Variants in ELOVL6 observed in about 807,000 individuals in gnomAD.
ELOVL6 encodes the protein ELOVL fatty acid elongase 6.
Under a neutral mutation model 31.7 loss-of-function variants are expected in ELOVL6, and 8 were observed. The observed-to-expected ratio is 0.25, with a 90% CI of 0.15 to 0.45. ELOVL6 has a LOEUF of 0.45. Among genes scored for constraint, ELOVL6 ranks in the 20% least tolerant of loss-of-function variants. The pLI, the probability that ELOVL6 is intolerant of heterozygous loss-of-function variation, is 1.00. For synonymous variants in ELOVL6, 101 were observed against 117.7 expected, an observed-to-expected ratio of 0.86 and a Z score of 0.92; for missense variants, 126 against 326.4, an observed-to-expected ratio of 0.39 and a Z score of 4.73.
intron 1 of ELOVL6, among the ~76,000 whole-genome samples, chr4:110,122,434 G>A (rs1757381362): frequency 6.6e-6 from 1 of 152,104 alleles, no homozygotes; most frequent in Admixed American, 6.6e-5. Context: ...GTGTTGTGCA[G>A]GCTGGAATGC....
chr4:110,096,461 C>G (rs1229263723), intron 2 of ELOVL6, among the ~76,000 whole-genome samples: 2 of 152,116 alleles, frequency 1.3e-5, no homozygotes, highest in Non-Finnish European at 2.9e-5. Flanking sequence ...ATCTAGAAAA[C>G]AAAGAGAATG....
intron 3 of ELOVL6, among the ~76,000 whole-genome samples, chr4:110,052,060 G>T (rs17041277): frequency 6.6e-6 from 1 of 152,094 alleles, no homozygotes; most frequent in African/African-American, 2.4e-5. Context: ...AGCAGCAAAT[G>T]TTTCTTTCAA....
At chr4:110,118,662 AT>A (rs1757256881) in intron 1 of ELOVL6, among the ~76,000 whole-genome samples, 1 of 152,168 alleles carries the variant, frequency 6.6e-6, no homozygotes, top group African/African-American at 2.4e-5. Context: ...ACCTAGGTTG[AT>A]TCCATATGTT....
intron 1 of ELOVL6, among the ~76,000 whole-genome samples, chr4:110,153,854 T>G (rs1411858604): frequency 6.6e-6 from 1 of 152,234 alleles, no homozygotes; most frequent in Non-Finnish European, 1.5e-5. Context: ...TTTCTTACTT[T>G]GTAGTTTCTA....
intron 1 of ELOVL6, among the ~76,000 whole-genome samples, chr4:110,164,743 A>G (rs1239748992): frequency 7.9e-6 from 1 of 127,144 alleles, no homozygotes; most frequent in East Asian, 2.6e-4. Context: ...TGTCTCAAAA[A>G]AAAAAAAAAA....
chr4:110,196,141 G>A (rs1759771022), intron 1 of ELOVL6, among the ~76,000 whole-genome samples: 1 of 152,144 alleles, frequency 6.6e-6, no homozygotes, highest in Admixed American at 6.5e-5. Context: ...TAAATAAGAG[G>A]CAGTATCGAC....
intron 1 of ELOVL6, among the ~76,000 whole-genome samples, chr4:110,182,982 T>C (rs1001153170): frequency 1.3e-5 from 2 of 152,070 alleles, no homozygotes; most frequent in African/African-American, 2.4e-5. Flanking sequence ...CTTGCCCAAA[T>C]TCCTAGCTAA....
chr4:110,079,595 G>A (rs1755768145), intron 2 of ELOVL6, among the ~76,000 whole-genome samples: 1 of 152,192 alleles, frequency 6.6e-6, no homozygotes, highest in Admixed American at 6.5e-5. Context: ...AAAGCAGTGT[G>A]TAGAGGGAAA....
chr4:110,118,893 C>T (rs1288531711), intron 1 of ELOVL6, among the ~76,000 whole-genome samples: 1 of 151,982 alleles, frequency 6.6e-6, no homozygotes, highest in African/African-American at 2.4e-5. Context: ...ATGGCCAAAC[C>T]CCTTCTCTAC....
chr4:110,186,670 G>A (rs1251882784), intron 1 of ELOVL6, among the ~76,000 whole-genome samples: 2 of 147,590 alleles, frequency 1.4e-5, no homozygotes, highest in Admixed American at 6.7e-5. Context: ...CGGGCATGGT[G>A]GCACGTGCCT....
chr4:110,187,411 A>G (rs895986200), intron 1 of ELOVL6, among the ~76,000 whole-genome samples: 2 of 151,824 alleles, frequency 1.3e-5, no homozygotes, highest in African/African-American at 4.8e-5. Flanking sequence ...TGCTTGGACA[A>G]ATGAAGGCTT....
In ELOVL6 at chr4:110,046,617, T is replaced by C. The variant is rs1368123720; in HGVS notation, c.*4721A>G. On this transcript the variant is annotated 3_prime_UTR_variant, in exon 4 of 4. Transcript: ENST00000302274. ...TAACTTGATTCAACAGGTTTGTGTA[T>C]GTTCTTCAAAGCTCTGTGCATGTGC... 3.3e-5 allele frequency: 5 copies of C among 152,256 alleles called. No homozygotes were observed. The highest frequency in any genetic ancestry group is 7.3e-5 in the Non-Finnish European group (5 of 68,040). The allele number at this position is 152,256 out of a possible 1,614,324, so 9.4% of individuals were successfully genotyped here.
intron 2 of ELOVL6, among the ~76,000 whole-genome samples, chr4:110,103,470 AC>A (rs775194098): frequency 1.4e-4 from 22 of 152,254 alleles, no homozygotes; most frequent in African/African-American, 4.1e-4. Flanking sequence ...TAAAAAAAAA[AC>A]CTGATGAATA....
chr4:110,115,527 T>G (rs1757145750), intron 1 of ELOVL6, among the ~76,000 whole-genome samples: 1 of 152,124 alleles, frequency 6.6e-6, no homozygotes, highest in African/African-American at 2.4e-5. Flanking sequence ...GAAGACGGCT[T>G]AAGGCCAGGA....
intron 2 of ELOVL6, among the ~76,000 whole-genome samples, chr4:110,063,731 C>G (rs1755213271): frequency 6.7e-6 from 1 of 149,994 alleles, no homozygotes; most frequent in Admixed American, 6.7e-5. Context: ...TGCCTTTTCC[C>G]AGCTCTATGG....
chr4:110,071,566 G>A (rs1755482125), intron 2 of ELOVL6, among the ~76,000 whole-genome samples: 1 of 152,134 alleles, frequency 6.6e-6, no homozygotes, highest in African/African-American at 2.4e-5. Context: ...TCAGGCAGGG[G>A]GACAAAGCTT....
chr4:110,160,668 T>C (rs1758606790), intron 1 of ELOVL6, among the ~76,000 whole-genome samples: 1 of 152,240 alleles, frequency 6.6e-6, no homozygotes, highest in Non-Finnish European at 1.5e-5. Context: ...ATGTTGCCCA[T>C]ATGTTGTTGC....
chr4:110,158,560 T>G (rs554092909), intron 1 of ELOVL6, among the ~76,000 whole-genome samples: 219 of 147,948 alleles, frequency 1.5e-3, no homozygotes, highest in Non-Finnish European at 2.4e-3. Flanking sequence ...TGGAGAGAGA[T>G]ATATATATAC....
chr4:110,161,392 A>G (rs1758626496), intron 1 of ELOVL6, among the ~76,000 whole-genome samples: 1 of 152,206 alleles, frequency 6.6e-6, no homozygotes, highest in African/African-American at 2.4e-5. Context: ...ATGAAAATTT[A>G]ACCCCAAGTC....
Sources: allele counts gnomAD v4.1 joint callset (sites outside exome capture counted in the v4.1 genomes callset), GRCh38; gene constraint gnomAD v4.1.1; transcripts MANE v1.5; gene names NCBI Gene and HGNC (gene_info 2026-07-23, HGNC 2026-07-21).